CTNNA3: variants seen among roughly 807,000 people sequenced by gnomAD.
CTNNA3 encodes the protein catenin alpha-3.
Under a neutral mutation model 95.7 loss-of-function variants are expected in CTNNA3, and 76 were observed. The ratio of observed to expected loss-of-function variants is 0.79; its 90% CI spans 0.66 to 0.96. The LOEUF is 0.96. CTNNA3 is among the 40% of genes least tolerant of loss of function. The pLI is 0.00. For missense variants in CTNNA3, 1,191 were observed against 1,089.8 expected (o/e 1.09, Z -1.31); for synonymous variants, 431 against 374.4 (o/e 1.15, Z -1.74).
intron 11 of CTNNA3, among the ~76,000 whole-genome samples, chr10:66,403,095 C>T (rs2093032678): frequency 6.6e-6 from 1 of 152,132 alleles, no homozygotes; most frequent in Non-Finnish European, 1.5e-5. Context: ...CCCTTTTAGG[C>T]CTAAACCAAT....
At chr10:67,712,484 G>A (rs571076387) in intron 1 of CTNNA3, among the ~76,000 whole-genome samples, 20 of 152,326 alleles carry the variant, frequency 1.3e-4, no homozygotes, top group South Asian at 6.2e-4. Flanking sequence ...CAGGGTCCCC[G>A]TGCTGTGTGC....
chr10:67,321,255 G>A (rs1232658858), intron 5 of CTNNA3, among the ~76,000 whole-genome samples: 1 of 152,158 alleles, frequency 6.6e-6, no homozygotes, highest in Non-Finnish European at 1.5e-5. Context: ...TAATTTTTAA[G>A]CTAGTCTCAA....
chr10:66,636,058 A>G (rs1311255039), intron 9 of CTNNA3, among the ~76,000 whole-genome samples: 1 of 150,806 alleles, frequency 6.6e-6, no homozygotes, highest in Admixed American at 6.6e-5. Context: ...AGGCAAGCAC[A>G]TTTGTGTATG....
intron 7 of CTNNA3, among the ~76,000 whole-genome samples, chr10:66,979,030 T>C (rs1277763776): frequency 2.1e-5 from 3 of 143,382 alleles, no homozygotes; most frequent in Admixed American, 7.2e-5. Flanking sequence ...AATGGTGCAA[T>C]CTTGGCTTGC....
At chr10:67,480,657 C>T (rs1848183263) in intron 5 of CTNNA3, among the ~76,000 whole-genome samples, 1 of 152,226 alleles carries the variant, frequency 6.6e-6, no homozygotes, top group South Asian at 2.1e-4. Flanking sequence ...GTAAGGAATG[C>T]TTTTAGCTAA....
chr10:67,274,045 T>C (rs1361616006), intron 5 of CTNNA3, among the ~76,000 whole-genome samples: 2 of 152,200 alleles, frequency 1.3e-5, no homozygotes, highest in Non-Finnish European at 2.9e-5. Context: ...AGTTTTGCCA[T>C]AAATTTACTA....
chr10:66,926,537 T>C (rs769099520), intron 7 of CTNNA3: 2 of 1,612,758 alleles, frequency 1.2e-6, no homozygotes, highest in South Asian at 2.2e-5. Flanking sequence ...AACTGGCCCC[T>C]AAGCCAAAGC....
intron 3 of CTNNA3, among the ~76,000 whole-genome samples, chr10:67,588,728 C>T (rs1052792815): frequency 3.9e-5 from 6 of 151,944 alleles, no homozygotes; most frequent in Admixed American, 3.3e-4. Flanking sequence ...GTTAATTATC[C>T]ACTTATAAGT....
At chr10:66,038,277 A>T (rs1564595501) in intron 15 of CTNNA3, among the ~76,000 whole-genome samples, 1 of 152,236 alleles carries the variant, frequency 6.6e-6, no homozygotes, top group Non-Finnish European at 1.5e-5. Context: ...TCTGATGGTG[A>T]TGGCAACTTT....
intron 5 of CTNNA3, among the ~76,000 whole-genome samples, chr10:67,317,714 G>T (rs570596250): frequency 1.3e-5 from 2 of 152,022 alleles, no homozygotes; most frequent in Non-Finnish European, 2.9e-5. Flanking sequence ...CTGAGCCACC[G>T]CGCCTGGCCA....
At chr10:66,666,919 GA>G (rs1330899054) in intron 9 of CTNNA3, among the ~76,000 whole-genome samples, 3 of 151,790 alleles carry the variant, frequency 2.0e-5, no homozygotes, top group Non-Finnish European at 4.4e-5. Flanking sequence ...GAAGTGATCA[GA>G]AAAAAACATT....
At chr10:67,726,726 A>ATATATG (rs1398886363) in intron 1 of CTNNA3, among the ~76,000 whole-genome samples, 6 of 1,762 alleles carry the variant, frequency 3.4e-3, no homozygotes, top group South Asian at 0.016. Flanking sequence ...CATATATCAT[A>ATATATG]ATATACAATA....
intron 12 of CTNNA3, among the ~76,000 whole-genome samples, chr10:66,286,223 A>T (rs1240054969): frequency 6.6e-6 from 1 of 152,064 alleles, no homozygotes; most frequent in Admixed American, 6.6e-5. Flanking sequence ...AACAATGCCT[A>T]AATATTCTAG....
intron 5 of CTNNA3, among the ~76,000 whole-genome samples, chr10:67,352,455 C>A (rs1842670948): frequency 6.6e-6 from 1 of 151,900 alleles, no homozygotes; most frequent in Admixed American, 6.6e-5. Flanking sequence ...TAAAGTCTCC[C>A]TTTCCAGAAA....
intron 7 of CTNNA3, among the ~76,000 whole-genome samples, chr10:67,096,334 T>C (rs184443804): frequency 1.6e-4 from 25 of 151,910 alleles, no homozygotes; most frequent in Admixed American, 5.3e-4. Flanking sequence ...ACGGTTCTAA[T>C]GCATGGAGAG....
At chr10:66,838,596 T>C (rs1842953933) in intron 7 of CTNNA3, among the ~76,000 whole-genome samples, 1 of 152,166 alleles carries the variant, frequency 6.6e-6, no homozygotes. Context: ...ATAACTATCA[T>C]AGGCTTGGAC....
intron 9 of CTNNA3, among the ~76,000 whole-genome samples, chr10:66,672,765 G>A (rs575388942): frequency 2.5e-4 from 38 of 152,034 alleles, no homozygotes; most frequent in African/African-American, 6.5e-4. Context: ...ACCAAGTGCT[G>A]TATAATCAAC....
intron 11 of CTNNA3, among the ~76,000 whole-genome samples, chr10:66,439,459 T>C (rs1454728232): frequency 6.6e-6 from 1 of 152,158 alleles, no homozygotes; most frequent in Non-Finnish European, 1.5e-5. Context: ...AGGATTATGA[T>C]ACAGAGGTTA....
At position 66,626,959 on chromosome 10, in the gene CTNNA3, T is replaced by C. The variant is rs547161855; in HGVS notation, c.1282-5175A>G. The stretch of plus-strand genomic sequence containing the variant: ...ACAACAACAACAACAACAACAACAA[T>C]ACACACATGACAACACACAGATACA... On this transcript the variant is annotated intron_variant, in intron 9 of 17. Coordinates refer to ENST00000433211, the MANE Select transcript of CTNNA3 (RefSeq NM_013266.4). Among the ~76,000 whole-genome samples, 29 of 149,864 alleles carry C rather than the reference T, an allele frequency of 1.9e-4. 1 individual carries two copies. The South Asian group carries it at 5.5e-3, about 29-fold the overall frequency.
Sources: allele counts gnomAD v4.1 joint callset (sites outside exome capture counted in the v4.1 genomes callset), GRCh38; gene constraint gnomAD v4.1.1; transcripts MANE v1.5; gene names NCBI Gene and HGNC (gene_info 2026-07-23, HGNC 2026-07-21).